NTM: variants seen among roughly 807,000 people sequenced by gnomAD.
The protein encoded by NTM is IgLON family member 2.
Under a neutral mutation model 42.1 loss-of-function variants are expected in NTM, and 13 were observed. The ratio of observed to expected loss-of-function variants is 0.31; its 90% CI spans 0.20 to 0.49. The LOEUF (loss-of-function observed/expected upper bound fraction) is 0.49, where lower values mean the gene tolerates loss of function less well. Ranked by LOEUF, NTM falls within the 20% of genes least tolerant of loss-of-function variation. The pLI is 0.99. For synonymous variants in NTM, 187 were observed against 179.2 expected, an observed-to-expected ratio of 1.04 and a Z score of -0.35; for missense variants, 373 against 452.8, an observed-to-expected ratio of 0.82 and a Z score of 1.60.
chr11:131,425,477 C>T (rs1323200305), intron 1 of NTM, among the ~76,000 whole-genome samples: 2 of 152,190 alleles, frequency 1.3e-5, no homozygotes, highest in Non-Finnish European at 2.9e-5. Flanking sequence ...GAACTTAGAA[C>T]TCTGAGAGAG....
intron 4 of NTM, among the ~76,000 whole-genome samples, chr11:132,299,523 G>A (rs541732773): frequency 4.6e-5 from 7 of 152,170 alleles, no homozygotes; most frequent in Non-Finnish European, 1.0e-4. Flanking sequence ...TTCAGGTGAA[G>A]TAAATAGGAA....
At chr11:131,917,467 A>AT (rs2056572892) in intron 2 of NTM, among the ~76,000 whole-genome samples, 1 of 152,092 alleles carries the variant, frequency 6.6e-6, no homozygotes, top group Non-Finnish European at 1.5e-5. Context: ...ATTATTTCAT[A>AT]TTTGCACCCA....
At chr11:131,736,007 AT>A (rs537526249) in intron 1 of NTM, among the ~76,000 whole-genome samples, 96 of 152,060 alleles carry the variant, frequency 6.3e-4, no homozygotes, top group African/African-American at 2.2e-3. Flanking sequence ...TACTTTTTGT[AT>A]TTTTAGTAGA....
intron 1 of NTM, among the ~76,000 whole-genome samples, chr11:131,610,597 A>G (rs566938600): frequency 2.6e-4 from 40 of 152,316 alleles, no homozygotes; most frequent in East Asian, 7.7e-4. Context: ...AGCAGAGTAG[A>G]TGATAACCTG....
At chr11:131,704,524 A>T (rs1193498453) in intron 1 of NTM, among the ~76,000 whole-genome samples, 3 of 152,230 alleles carry the variant, frequency 2.0e-5, no homozygotes, top group African/African-American at 4.8e-5. Context: ...ACTGGAAAAG[A>T]TGCCTAATTT....
intron 4 of NTM, among the ~76,000 whole-genome samples, chr11:132,215,486 A>G (rs1335444489): frequency 6.6e-6 from 1 of 152,190 alleles, no homozygotes; most frequent in Non-Finnish European, 1.5e-5. Flanking sequence ...GTTAAGGACT[A>G]TTTTAGACGT....
At chr11:131,560,099 G>A (rs569204099) in intron 1 of NTM, among the ~76,000 whole-genome samples, 14 of 152,338 alleles carry the variant, frequency 9.2e-5, no homozygotes, top group Admixed American at 8.5e-4. Context: ...CACAATTGCT[G>A]CCCCACGTGT....
intron 2 of NTM, among the ~76,000 whole-genome samples, chr11:132,053,927 A>G (rs2079215933): frequency 6.6e-6 from 1 of 152,200 alleles, no homozygotes; most frequent in Admixed American, 6.5e-5. Context: ...TCACCCAATA[A>G]AAAAGTCGCT....
chr11:131,379,498 G>C (rs1942387871), intron 1 of NTM, among the ~76,000 whole-genome samples: 1 of 152,180 alleles, frequency 6.6e-6, no homozygotes, highest in South Asian at 2.1e-4. Context: ...CCTCTTTCTG[G>C]TTTGAGGTCT....
chr11:132,002,677 G>A lies in NTM; in HGVS notation c.167+91029G>A, dbSNP rs900444468. Among the ~76,000 whole-genome samples, 17 of 152,020 alleles carry A rather than the reference G, an allele frequency of 1.1e-4. No individual in the cohort carries two copies. The highest frequency in any genetic ancestry group is 9.7e-4 in the East Asian group (5 of 5,180). On this transcript the variant is annotated intron_variant, in intron 2 of 8. Transcript: ENST00000683400. This position sits in a 1 kb window ranked among gnomAD's most constrained non-coding sequence, Gnocchi z 4.5. ...ATGCTTCTCCTGAATCATTCCTCTC[G>A]TTAGGAATGTCAGTCTACTAAATTT...
intron 1 of NTM, among the ~76,000 whole-genome samples, chr11:131,614,366 C>G (rs536787020): frequency 1.3e-5 from 2 of 152,238 alleles, no homozygotes; most frequent in East Asian, 3.9e-4. Flanking sequence ...GGAGACCCAC[C>G]CTGGCTGCAG....
At chr11:131,394,178 C>T (rs979417085) in intron 1 of NTM, among the ~76,000 whole-genome samples, 16 of 152,222 alleles carry the variant, frequency 1.1e-4, no homozygotes, top group African/African-American at 3.4e-4. Flanking sequence ...AATACAACAT[C>T]GTCCAGAAGT....
intron 1 of NTM, among the ~76,000 whole-genome samples, chr11:131,381,180 G>A (rs987011023): frequency 6.6e-6 from 1 of 152,124 alleles, no homozygotes; most frequent in East Asian, 1.9e-4. Flanking sequence ...GGAAGAATGG[G>A]GACAGGGAAG....
intron 1 of NTM, among the ~76,000 whole-genome samples, chr11:131,890,788 G>A (rs1460439535): frequency 1.3e-5 from 2 of 152,078 alleles, no homozygotes; most frequent in African/African-American, 4.8e-5. Flanking sequence ...TAAGTGAGAT[G>A]GTTATCTCTG....
intron 1 of NTM, among the ~76,000 whole-genome samples, chr11:131,532,542 C>T (rs893144752): frequency 6.6e-6 from 1 of 152,202 alleles, no homozygotes; most frequent in Non-Finnish European, 1.5e-5. Context: ...CTACATGTAT[C>T]TGTTCAAGTC....
intron 1 of NTM, among the ~76,000 whole-genome samples, chr11:131,692,273 G>C (rs1274010740): frequency 6.6e-6 from 1 of 152,102 alleles, no homozygotes; most frequent in Middle Eastern, 3.2e-3. Flanking sequence ...CTCCCATGCA[G>C]ATCTCTGAGT....
intron 2 of NTM, among the ~76,000 whole-genome samples, chr11:132,026,158 T>C (rs770850532): frequency 1.3e-5 from 2 of 152,246 alleles, no homozygotes; most frequent in Non-Finnish European, 2.9e-5. Context: ...TTTGCAGATA[T>C]AAAAGTGCTG....
chr11:131,677,409 A>T (rs531970226), intron 1 of NTM, among the ~76,000 whole-genome samples: 1 of 152,316 alleles, frequency 6.6e-6, no homozygotes, highest in East Asian at 1.9e-4. Flanking sequence ...TTTATTATTT[A>T]TTTTTAACAT....
At chr11:132,251,620 T>C (rs73597226) in intron 4 of NTM, among the ~76,000 whole-genome samples, 2,739 of 152,304 alleles carry the variant, frequency 0.018, 67 homozygotes, top group African/African-American at 0.062. Flanking sequence ...TGTACAAAGA[T>C]CAAAGTTTAT....
Sources: gnomAD v4.1 joint callset for allele counts (sites outside exome capture counted in the v4.1 genomes callset) on GRCh38, gnomAD v4.1.1 for gene constraint, Gnocchi (gnomAD v3.1) non-coding constraint, MANE v1.5 for transcripts, NCBI Gene and HGNC (gene_info 2026-07-23, HGNC 2026-07-21) for gene names.